Variants in PDE1A observed in about 807,000 individuals in gnomAD.
The protein encoded by PDE1A is dual specificity calcium/calmodulin-dependent 3',5'-cyclic nucleotide phosphodiesterase 1A.
In PDE1A, 35 loss-of-function variants were observed where a neutral mutation model predicts 61.7. The ratio of observed to expected loss-of-function variants is 0.57; its 90% CI spans 0.43 to 0.75. The LOEUF (loss-of-function observed/expected upper bound fraction) is 0.75, where lower values mean the gene tolerates loss of function less well. PDE1A is among the 30% of genes least tolerant of loss of function. PDE1A has a pLI of 0.00. For synonymous variants in PDE1A, 232 were observed against 213.2 expected (o/e 1.09, Z -0.77); for missense variants, 597 against 630.6 (o/e 0.95, Z 0.57).
chr2:182,516,779 AAGAAAAAG>A (rs1260781698), intron 2 of PDE1A, among the ~76,000 whole-genome samples: 40 of 129,766 alleles, frequency 3.1e-4, no homozygotes, highest in Non-Finnish European at 5.2e-4. Context: ...GAAAGAAAGA[AAGAAAAAG>A]AAAGAAAGAG....
chr2:182,430,520 T>C (rs1205903052), upstream of PDE1A, among the ~76,000 whole-genome samples: 1 of 75,248 alleles, frequency 1.3e-5, no homozygotes, highest in Non-Finnish European at 2.7e-5. Context: ...GACTGTAAAC[T>C]AGTTCAACCA....
At chr2:182,461,791 C>T (rs1173044807) in intron 2 of PDE1A, among the ~76,000 whole-genome samples, 4 of 152,124 alleles carry the variant, frequency 2.6e-5, no homozygotes, top group East Asian at 3.9e-4. Context: ...CTCTGCATAT[C>T]TCAGCTGTCC....
intron 1 of PDE1A, among the ~76,000 whole-genome samples, chr2:182,410,560 T>C (rs1702554101): frequency 6.6e-6 from 1 of 152,212 alleles, no homozygotes; most frequent in Non-Finnish European, 1.5e-5. Context: ...TGTAGTACAA[T>C]TAATAAATGG....
At chr2:182,644,263 CTGTGTG>C in the PDE1A span, among the ~76,000 whole-genome samples, 334 of 123,128 alleles carry the variant, frequency 2.7e-3, 3 homozygotes, top group African/African-American at 3.5e-3. Context: ...TCTTAAGACT[CTGTGTG>C]TGTGTGTGTG....
intron 1 of PDE1A, among the ~76,000 whole-genome samples, chr2:182,418,044 TAATA>T (rs1380653040): frequency 6.6e-6 from 1 of 152,186 alleles, no homozygotes; most frequent in Non-Finnish European, 1.5e-5. Flanking sequence ...AATTTTAAGA[TAATA>T]AATTTAAGTC....
intron 2 of PDE1A, among the ~76,000 whole-genome samples, chr2:182,250,305 A>C (rs1460423619): frequency 6.6e-6 from 1 of 152,202 alleles, no homozygotes; most frequent in African/African-American, 2.4e-5. Context: ...TAGTATGTTG[A>C]ATTGTTTTCT....
the PDE1A span, among the ~76,000 whole-genome samples, chr2:182,684,748 G>T: frequency 6.6e-6 from 1 of 151,954 alleles, no homozygotes; most frequent in Non-Finnish European, 1.5e-5. Context: ...ACAGGATTTT[G>T]CCATGTTGGC....
chr2:182,624,800 A>G, the PDE1A span, among the ~76,000 whole-genome samples: 1 of 152,222 alleles, frequency 6.6e-6, no homozygotes, highest in South Asian at 2.1e-4. Flanking sequence ...AACCAAGAAC[A>G]GTTCCATGCC....
At chr2:182,538,024 T>G in the PDE1A span, among the ~76,000 whole-genome samples, 132 of 152,306 alleles carry the variant, frequency 8.7e-4, no homozygotes, top group South Asian at 1.9e-3. Context: ...CTGCACTCTC[T>G]TTCCCACTGA....
At chr2:182,186,206 ACGTG>A in intron 12 of PDE1A, 127 bp from the exon 13 acceptor site, 1 of 976,340 alleles carries the variant, frequency 1.0e-6, no homozygotes, top group Non-Finnish European at 1.5e-6. Context: ...AGTTCTGAGC[ACGTG>A]GCAGCTGCTC....
intron 1 of PDE1A, among the ~76,000 whole-genome samples, chr2:182,387,957 A>G (rs1701212914): frequency 6.6e-6 from 1 of 152,180 alleles, no homozygotes; most frequent in Non-Finnish European, 1.5e-5. Flanking sequence ...ACTGTAAGGA[A>G]ACACATAGAC....
chr2:182,214,235 G>T (rs1014052460), intron 7 of PDE1A, among the ~76,000 whole-genome samples: 8 of 151,370 alleles, frequency 5.3e-5, no homozygotes, highest in Non-Finnish European at 1.2e-4. Flanking sequence ...GTCACCACCA[G>T]GCCTGCCCTA....
chr2:182,313,726 A>G (rs2125960598), intron 1 of PDE1A, among the ~76,000 whole-genome samples: 1 of 151,476 alleles, frequency 6.6e-6, no homozygotes, highest in South Asian at 2.1e-4. Context: ...TTATCAATTT[A>G]TTTATTTTGA....
At chr2:182,516,439 C>T (rs966370911) in intron 2 of PDE1A, among the ~76,000 whole-genome samples, 2 of 151,892 alleles carry the variant, frequency 1.3e-5, no homozygotes, top group African/African-American at 4.8e-5. Context: ...TCACTTGAGC[C>T]CAGGCATTCA....
chr2:182,311,216 G>C (rs1157947651), intron 1 of PDE1A, among the ~76,000 whole-genome samples: 1 of 152,088 alleles, frequency 6.6e-6, no homozygotes, highest in African/African-American at 2.4e-5. Flanking sequence ...CATCTATTTA[G>C]ATAGAAACTC....
At chr2:182,201,208 CAGT>C (rs1184963379) in intron 10 of PDE1A, among the ~76,000 whole-genome samples, 1 of 152,126 alleles carries the variant, frequency 6.6e-6, no homozygotes, top group Non-Finnish European at 1.5e-5. Flanking sequence ...TCTTTCCTGA[CAGT>C]AGCATCTCAG....
chr2:182,522,700 A>T (rs1690643739), exon 1 of PDE1A: 1 of 1,062,440 alleles, frequency 9.4e-7, no homozygotes, highest in African/African-American at 1.6e-5. Context: ...AAAGCAGCTC[A>T]TCTGTTACTG....
At chr2:182,364,488 A>AC (rs1268518939) in intron 1 of PDE1A, among the ~76,000 whole-genome samples, 7 of 145,164 alleles carry the variant, frequency 4.8e-5, no homozygotes, top group African/African-American at 1.8e-4. Context: ...AAAAAAAAAA[A>AC]AAAAAAAAAA....
chr2:182,533,961 G>A, the PDE1A span, among the ~76,000 whole-genome samples: 2 of 151,874 alleles, frequency 1.3e-5, no homozygotes, highest in Non-Finnish European at 1.5e-5. Context: ...CATTTAATAT[G>A]ATATCAATGG....
Sources: gnomAD v4.1 joint callset for allele counts (sites outside exome capture counted in the v4.1 genomes callset) on GRCh38, gnomAD v4.1.1 for gene constraint, MANE v1.5 for transcripts, NCBI Gene and HGNC (gene_info 2026-07-23, HGNC 2026-07-21) for gene names.